The following CPNE4 variants were observed in gnomAD, a reference collection of about 807,000 sequenced individuals.
CPNE4 encodes the protein copine 4.
Under a neutral mutation model 67.9 loss-of-function variants are expected in CPNE4, and 25 were observed. That is an observed-to-expected ratio of 0.37 (90% CI 0.27 to 0.51). The LOEUF (loss-of-function observed/expected upper bound fraction) is 0.51, where lower values mean the gene tolerates loss of function less well. Among genes scored for constraint, CPNE4 ranks in the 20% least tolerant of loss-of-function variants. The pLI, the probability that CPNE4 is intolerant of heterozygous loss-of-function variation, is 0.93. For missense variants in CPNE4, 464 were observed against 690.8 expected, an observed-to-expected ratio of 0.67 and a Z score of 3.68; for synonymous variants, 242 against 244.9, an observed-to-expected ratio of 0.99 and a Z score of 0.11.
At chr3:131,566,809 G>A (rs1247988210) in intron 10 of CPNE4, among the ~76,000 whole-genome samples, 1 of 151,898 alleles carries the variant, frequency 6.6e-6, no homozygotes, top group Non-Finnish European at 1.5e-5. Context: ...AAGTAATGCT[G>A]GGAAGGCCAG....
chr3:131,765,358 A>G (rs1019714961), intron 2 of CPNE4, among the ~76,000 whole-genome samples: 2 of 152,162 alleles, frequency 1.3e-5, no homozygotes, highest in Non-Finnish European at 2.9e-5. Context: ...TGTATTTGGA[A>G]GATGAGACCA....
intron 2 of CPNE4, among the ~76,000 whole-genome samples, chr3:131,732,745 T>C (rs992776624): frequency 1.3e-5 from 2 of 152,238 alleles, no homozygotes; most frequent in South Asian, 2.1e-4. Context: ...TGCTGGAACT[T>C]TGATTGATTC....
Position 131,534,922 on chromosome 3 carries a change from T to C in CPNE4, c.*273A>G. On this transcript the variant is annotated 3_prime_UTR_variant, in exon 16 of 16. Coordinates refer to ENST00000429747, the MANE Select transcript of CPNE4 (RefSeq NM_130808.3). ...GTATAAAAAATGGATACAGATACCA[T>C]TTTATTTCAAGGCGACATGCTGTAA... 1 of 256,852 alleles carries C rather than the reference T, an allele frequency of 3.9e-6. No homozygotes were observed. Among genetic ancestry groups the C allele is most frequent in the Non-Finnish European group, 7.3e-6 (1 of 137,004 alleles). 15.9% of individuals were successfully genotyped at this position (256,852 alleles called of 1,614,324 possible).
chr3:131,620,239 A>G (rs1215938039), intron 7 of CPNE4, among the ~76,000 whole-genome samples: 1 of 152,234 alleles, frequency 6.6e-6, no homozygotes, highest in African/African-American at 2.4e-5. Flanking sequence ...CTGTTTTCAG[A>G]ACACAAAAAT....
At chr3:131,699,378 T>A (rs2081239511) in intron 4 of CPNE4, among the ~76,000 whole-genome samples, 1 of 152,216 alleles carries the variant, frequency 6.6e-6, no homozygotes, top group Non-Finnish European at 1.5e-5. Flanking sequence ...ATTTAAATAA[T>A]CACATGTGGC....
intron 2 of CPNE4, among the ~76,000 whole-genome samples, chr3:131,810,961 T>C (rs1012201795): frequency 6.6e-6 from 1 of 152,060 alleles, no homozygotes; most frequent in South Asian, 2.1e-4. Context: ...ATCTCACTTA[T>C]ATATGGAACC....
At chr3:131,945,513 G>T (rs2071527284) in intron 1 of CPNE4, among the ~76,000 whole-genome samples, 1 of 152,186 alleles carries the variant, frequency 6.6e-6, no homozygotes, top group Non-Finnish European at 1.5e-5. Flanking sequence ...GAACTCCTTT[G>T]ATGAGCAGTC....
intron 2 of CPNE4, among the ~76,000 whole-genome samples, chr3:131,873,985 G>GTT (rs1160187225): frequency 6.6e-6 from 1 of 151,970 alleles, no homozygotes; most frequent in African/African-American, 2.4e-5. Flanking sequence ...ACAGTAAAGT[G>GTT]TTTGTTCAAT....
intron 1 of CPNE4, among the ~76,000 whole-genome samples, chr3:131,923,246 CAG>C (rs1447022160): frequency 1.3e-5 from 2 of 152,256 alleles, no homozygotes; most frequent in Non-Finnish European, 2.9e-5. Context: ...ACCAAAGAAA[CAG>C]AGGCAAAAAT....
chr3:131,926,595 A>G (rs906465906), intron 1 of CPNE4, among the ~76,000 whole-genome samples: 2 of 152,166 alleles, frequency 1.3e-5, no homozygotes, highest in Non-Finnish European at 2.9e-5. Flanking sequence ...TGAGTCAGTT[A>G]CCAATCCGTG....
At chr3:131,711,694 G>C in intron 3 of CPNE4, among the ~76,000 whole-genome samples, 1 of 152,236 alleles carries the variant, frequency 6.6e-6, no homozygotes, top group South Asian at 2.1e-4. Context: ...ACCAAGACTC[G>C]TGGGAATGCT....
intron 2 of CPNE4, among the ~76,000 whole-genome samples, chr3:131,733,515 C>T (rs190400082): frequency 5.5e-4 from 84 of 152,346 alleles, no homozygotes; most frequent in African/African-American, 2.0e-3. Flanking sequence ...CCTAAATCAA[C>T]TGCCGTATAC....
At chr3:131,553,557 G>A (rs1001970698) in intron 12 of CPNE4, among the ~76,000 whole-genome samples, 2 of 152,026 alleles carry the variant, frequency 1.3e-5, no homozygotes, top group Admixed American at 1.3e-4. Context: ...GCTGTATATT[G>A]TCTCCTAGGG....
At chr3:131,613,911 A>G (rs1306866539) in intron 7 of CPNE4, among the ~76,000 whole-genome samples, 1 of 152,158 alleles carries the variant, frequency 6.6e-6, no homozygotes, top group East Asian at 1.9e-4. Flanking sequence ...ATTCCAACCA[A>G]AAAAAGGGGT....
intron 2 of CPNE4, among the ~76,000 whole-genome samples, chr3:131,801,389 T>TAA (rs2084107285): frequency 1.5e-5 from 1 of 65,722 alleles, no homozygotes; most frequent in Non-Finnish European, 2.9e-5. Flanking sequence ...ATATATATGG[T>TAA]ACATATATAT....
intron 2 of CPNE4, among the ~76,000 whole-genome samples, chr3:131,815,465 G>A (rs1284755742): frequency 1.3e-5 from 2 of 152,160 alleles, no homozygotes; most frequent in African/African-American, 4.8e-5. Flanking sequence ...CAGGATACAG[G>A]CAGATACATC....
In CPNE4 at chr3:132,009,277, G is replaced by A. The variant is rs149396314; in HGVS notation, c.-2+25290C>T. 2.0e-5 allele frequency among the ~76,000 whole-genome samples: 3 copies of A among 152,292 alleles called. No homozygotes were observed. In the East Asian group the frequency reaches 5.8e-4, roughly 29 times the overall value. ...TTCCCACAAAGCCTTGGTCTATGTG[G>A]AGTCAAGATCCCTGAGGAACCTCTG... On this transcript the variant is annotated intron_variant, in intron 1 of 15. Coordinates refer to ENST00000429747, the MANE Select transcript of CPNE4 (RefSeq NM_130808.3).
intron 2 of CPNE4, among the ~76,000 whole-genome samples, chr3:131,764,277 G>GAAA (rs11378336): frequency 6.7e-6 from 1 of 148,668 alleles, no homozygotes. Context: ...TGTTTTATAG[G>GAAA]AAAAAAAAAA....
chr3:131,993,879 A>G (rs1217706797), intron 1 of CPNE4, among the ~76,000 whole-genome samples: 1 of 136,058 alleles, frequency 7.3e-6, no homozygotes, highest in East Asian at 2.3e-4. Context: ...ACAAGAAACA[A>G]TGCTGTCTCT....
Sources: gnomAD v4.1 joint callset for allele counts (sites outside exome capture counted in the v4.1 genomes callset) on GRCh38, gnomAD v4.1.1 for gene constraint, MANE v1.5 for transcripts, NCBI Gene and HGNC (gene_info 2026-07-23, HGNC 2026-07-21) for gene names.